LRP6: variants seen among roughly 807,000 people sequenced by gnomAD.
LRP6 encodes the protein LDL receptor related protein 6.
Under a neutral mutation model 184.1 loss-of-function variants are expected in LRP6, and 43 were observed. The observed-to-expected ratio is 0.23, with a 90% confidence interval of 0.18 to 0.30. The LOEUF is 0.30. LRP6 is among the 10% of genes least tolerant of loss of function. The probability of loss-of-function intolerance (pLI) is 1.00; values close to 1 mark genes in which losing one functional copy is unlikely to be tolerated. For synonymous variants in LRP6, 719 were observed against 684.9 expected (o/e 1.05, Z -0.78); for missense variants, 1,571 against 2,005.3 (o/e 0.78, Z 4.14).
intron 1 of LRP6, among the ~76,000 whole-genome samples, chr12:12,259,259 T>A (rs1201727996): frequency 1.5e-5 from 2 of 129,616 alleles, no homozygotes; most frequent in South Asian, 2.6e-4. Flanking sequence ...CGAGACTCCA[T>A]CTCAAAAAAA....
chr12:12,206,256 A>G (rs1413269362), intron 2 of LRP6, among the ~76,000 whole-genome samples: 1 of 152,076 alleles, frequency 6.6e-6, no homozygotes, highest in Admixed American at 6.5e-5. Context: ...ACAATTTTTC[A>G]TTTTGGCCAG....
At chr12:12,175,132 T>C (rs1863137186) in intron 7 of LRP6, among the ~76,000 whole-genome samples, 2 of 152,316 alleles carry the variant, frequency 1.3e-5, no homozygotes, top group South Asian at 4.1e-4. Flanking sequence ...CTCAAACCTA[T>C]AATCCCAACA....
At chr12:12,200,837 T>C (rs1863895675) in intron 3 of LRP6, among the ~76,000 whole-genome samples, 1 of 152,218 alleles carries the variant, frequency 6.6e-6, no homozygotes, top group Non-Finnish European at 1.5e-5. Flanking sequence ...TTCCACGTCA[T>C]TTATAAGTGA....
intron 7 of LRP6, among the ~76,000 whole-genome samples, chr12:12,168,001 T>C (rs919231282): frequency 6.6e-6 from 1 of 152,238 alleles, no homozygotes; most frequent in African/African-American, 2.4e-5. Flanking sequence ...TACTCCCATT[T>C]TTATTGTTTA....
rs142242056 is a variant in LRP6 at position 12,224,451 on chromosome 12, C to T, written c.449+19811G>A. ...TTTTTCCCACAATCTCTAGGAGACT[C>T]ATTTCAGAAAACTTCACTTTCAAGA... On this transcript the variant is annotated intron_variant, in intron 2 of 22. Coordinates refer to ENST00000261349, the MANE Select transcript of LRP6 (RefSeq NM_002336.3). 5.0e-3 allele frequency among the ~76,000 whole-genome samples: 754 copies of T among 152,016 alleles called. 5 individuals carry two copies. The highest frequency in any genetic ancestry group is 8.4e-3 in the Non-Finnish European group (569 of 67,990).
rs1949577294 is a variant in LRP6 at position 12,119,993 on chromosome 12, A to ATATT, written c.*1132_*1133insAATA. 1.6e-4 allele frequency: 2 copies of ATATT among 12,562 alleles called. No individual in the cohort carries two copies. The highest frequency in any genetic ancestry group is 6.6e-4 in the African/African-American group (2 of 3,030). 0.8% of individuals were successfully genotyped at this position (12,562 alleles called of 1,614,324 possible). A position where few individuals can be genotyped will look rare whatever the true frequency, so the allele number is the denominator to read the frequency against. ...CAGAAAACAAACAAACAAACAAAAT[A>ATATT]TATATATATATATATATATATATAT... On this transcript the variant is annotated 3_prime_UTR_variant, in exon 23 of 23. Coordinates refer to ENST00000261349, the MANE Select transcript of LRP6 (RefSeq NM_002336.3).
chr12:12,246,824 CAA>C (rs1014227387), intron 1 of LRP6, among the ~76,000 whole-genome samples: 1 of 152,094 alleles, frequency 6.6e-6, no homozygotes, highest in Non-Finnish European at 1.5e-5. Flanking sequence ...ACTCCAATCT[CAA>C]AAAAGTGTAA....
chr12:12,124,724 C>CA, intron 21 of LRP6, 62 bp from the exon 22 acceptor site: 2 of 1,064,294 alleles, frequency 1.9e-6, no homozygotes, highest in Non-Finnish European at 2.8e-6. Flanking sequence ...GACTTTCTTT[C>CA]AACTTTTCTT....
At chr12:12,194,851 C>T (rs1863711245) in intron 3 of LRP6, among the ~76,000 whole-genome samples, 1 of 151,974 alleles carries the variant, frequency 6.6e-6, no homozygotes, top group Non-Finnish European at 1.5e-5. Flanking sequence ...TTTAGCAAAT[C>T]TCTTCTTATC....
chr12:12,222,425 G>A (rs759965962), intron 2 of LRP6, among the ~76,000 whole-genome samples: 22 of 151,874 alleles, frequency 1.4e-4, no homozygotes, highest in Non-Finnish European at 2.5e-4. Context: ...AAAATTAGCC[G>A]GTCGTCGTGG....
chr12:12,225,871 CAAA>C (rs748835751), intron 2 of LRP6, among the ~76,000 whole-genome samples: 7 of 117,080 alleles, frequency 6.0e-5, no homozygotes, highest in African/African-American at 9.5e-5. Context: ...GACTGTGTCT[CAAA>C]AAAAAAAAAA....
At chr12:12,187,207 T>C in intron 3 of LRP6, 88 bp from the exon 4 acceptor site, 1 of 1,097,376 alleles carries the variant, frequency 9.1e-7, no homozygotes, top group Non-Finnish European at 1.4e-6. Flanking sequence ...ATGATCTTAG[T>C]TCACATTAAC....
rs1360472922 is a variant in LRP6, at chr12:12,130,910, AAT to A, written c.3971-19_3971-18del. The A allele has an allele frequency of 1.5e-6, 2 of 1,361,712 alleles. No individual in the cohort carries two copies. The highest frequency in any genetic ancestry group is 2.9e-5 in the African/African-American group (2 of 70,046). The allele number at this position is 1,361,712 out of a possible 1,614,324, so 84.4% of individuals were successfully genotyped here. ...AACAAAGCACTGGAAAAAAAACATA[AAT>A]AGTTTCCTTATTTTTAATATCATGT... On this transcript the variant is annotated intron_variant, in intron 18 of 22. Transcript: ENST00000261349.
At chr12:12,134,815 G>A (rs928878334) in intron 17 of LRP6, among the ~76,000 whole-genome samples, 2 of 152,058 alleles carry the variant, frequency 1.3e-5, no homozygotes, top group African/African-American at 4.8e-5. Context: ...TAATATATAC[G>A]CAGTGAAATA....
intron 7 of LRP6, among the ~76,000 whole-genome samples, chr12:12,170,791 T>TCA (rs10571241): frequency 0.047 from 6,771 of 142,826 alleles, 172 homozygotes; most frequent in South Asian, 0.061. Context: ...TAAAATTACT[T>TCA]CACACACACA....
chr12:12,263,803 C>A (rs1237031264), intron 1 of LRP6, among the ~76,000 whole-genome samples: 6 of 151,950 alleles, frequency 3.9e-5, no homozygotes, highest in Non-Finnish European at 8.8e-5. Context: ...CACTGCACTC[C>A]AGCCTAGGCA....
intron 17 of LRP6, among the ~76,000 whole-genome samples, chr12:12,134,229 C>T (rs907285091): frequency 1.3e-5 from 2 of 152,028 alleles, no homozygotes; most frequent in Admixed American, 1.3e-4. Context: ...ATTTTATGTA[C>T]TTGTCATTTT....
Position 12,203,370 on chromosome 12 carries a change from C to G in LRP6, c.480G>C (p.Val160=). The change falls in exon 3 of 23, where the codon GTG becomes GTC. Residue 160 remains valine (V), a synonymous_variant. Transcript: ENST00000261349. ...CCATTCCAGCACGTTCTATCTTTGG[C>G]ACTTCTCCCCAGTCTGTCCAGTACA... ...GFMYWTDWGE[V]PKIERAGMDG... is the part of the protein sequence containing the mutation. 1 of 1,613,900 alleles carries G rather than the reference C, an allele frequency of 6.2e-7. No individual in the cohort carries two copies. Among genetic ancestry groups the G allele is most frequent in the Non-Finnish European group, 8.5e-7 (1 of 1,179,806 alleles).
intron 13 of LRP6, among the ~76,000 whole-genome samples, chr12:12,150,416 T>G (rs532420615): frequency 2.0e-5 from 3 of 152,196 alleles, no homozygotes; most frequent in Non-Finnish European, 2.9e-5. Context: ...TGAGTTCCTG[T>G]TACATAACAC....
Sources: gnomAD v4.1 joint callset for allele counts (sites outside exome capture counted in the v4.1 genomes callset) on GRCh38, gnomAD v4.1.1 for gene constraint, MANE v1.5 for transcripts, NCBI Gene and HGNC (gene_info 2026-07-23, HGNC 2026-07-21) for gene names.